The following PRDM10 variants were observed in gnomAD, a reference collection of about 807,000 sequenced individuals.
PRDM10 encodes the protein PR domain zinc finger protein 10.
Under a neutral mutation model 133.1 loss-of-function variants are expected in PRDM10, and 65 were observed. The ratio of observed to expected loss-of-function variants is 0.49; its 90% CI spans 0.40 to 0.60. The LOEUF (loss-of-function observed/expected upper bound fraction) is 0.60. PRDM10 is among the 20% of genes least tolerant of loss of function. PRDM10 has a pLI of 0.00. For synonymous variants in PRDM10, 582 were observed against 580.4 expected (o/e 1.00, Z -0.04); for missense variants, 1,137 against 1,507.1 (o/e 0.75, Z 4.07).
rs112717057 is a variant in PRDM10 at position 129,915,522 on chromosome 11, G to A, written c.2526+138C>T. 5.3e-5 allele frequency: 52 copies of A among 977,552 alleles called. No individual in the cohort carries two copies. In the African/African-American group the frequency reaches 6.8e-4, roughly 13 times the overall value. 60.6% of individuals were successfully genotyped at this position (977,552 alleles called of 1,614,324 possible). ...CTCTGCTGTGCTCTCTGTTTACAGT[G>A]ACTAGGACAACATCTCTTTCAGTCC... On this transcript the variant is annotated intron_variant, in intron 16 of 20. Coordinates refer to ENST00000360871, the MANE Select transcript of PRDM10 (RefSeq NM_199437.2).
At chr11:129,962,958 G>A (rs565717873) in intron 1 of PRDM10, among the ~76,000 whole-genome samples, 423 of 152,198 alleles carry the variant, frequency 2.8e-3, no homozygotes, top group Non-Finnish European at 4.7e-3. Context: ...AGACTAGCCT[G>A]GGTAACATGG....
chr11:129,990,705 A>G (rs1044198446), intron 1 of PRDM10, among the ~76,000 whole-genome samples: 1 of 152,082 alleles, frequency 6.6e-6, no homozygotes, highest in Non-Finnish European at 1.5e-5. Context: ...TCCCGGCCTC[A>G]AAGTGATCCT....
At chr11:129,977,434 C>T (rs549079707) in intron 1 of PRDM10, among the ~76,000 whole-genome samples, 30 of 152,246 alleles carry the variant, frequency 2.0e-4, no homozygotes, top group African/African-American at 7.2e-4. Context: ...CACACACCCG[C>T]CACCATGCCC....
At position 129,912,178 on chromosome 11, in the gene PRDM10, C is replaced by T; in HGVS notation, c.2889G>A (p.Gln963=). Residue 963 remains glutamine, a synonymous_variant, in exon 18 of 21, where the codon CAG becomes CAA. Coordinates refer to ENST00000360871, the MANE Select transcript of PRDM10 (RefSeq NM_199437.2). ...GGGGGTAGGGCTGAGGATCATGGAGCTGGCCAACATCCACAGTGGACTGCT... is the reference window on the plus strand; with the variant it reads ...GGGGGTAGGGCTGAGGATCATGGAGTTGGCCAACATCCACAGTGGACTGCT... The part of the protein sequence containing the change: ...QSQQSTVDVG[Q]LHDPQPYPQH... The T allele has an allele frequency of 6.2e-7, 1 of 1,611,296 alleles. No individual in the cohort carries two copies. Among genetic ancestry groups the T allele is most frequent in the African/African-American group, 1.3e-5 (1 of 74,904 alleles).
intron 1 of PRDM10, among the ~76,000 whole-genome samples, chr11:129,981,004 T>C (rs1318851744): frequency 6.6e-6 from 1 of 151,536 alleles, no homozygotes; most frequent in Non-Finnish European, 1.5e-5. Flanking sequence ...CCCGAGTAGC[T>C]GGGATTACAG....
intron 19 of PRDM10, among the ~76,000 whole-genome samples, chr11:129,906,989 G>GAA (rs71057987): frequency 6.2e-4 from 86 of 139,658 alleles, no homozygotes; most frequent in South Asian, 1.2e-3. Flanking sequence ...AAAAGAAAAA[G>GAA]AAAAAAAAAA....
chr11:129,937,789 T>C (rs1198970541), intron 7 of PRDM10, 119 bp from the exon 8 acceptor site: 3 of 820,730 alleles, frequency 3.7e-6, no homozygotes, highest in East Asian at 2.9e-5. Flanking sequence ...CCATTAACAA[T>C]GGAAAAAAAG....
At chr11:129,954,153 G>T (rs1345039364) in intron 4 of PRDM10, among the ~76,000 whole-genome samples, 3 of 150,912 alleles carry the variant, frequency 2.0e-5, no homozygotes, top group South Asian at 2.1e-4. Flanking sequence ...CAGATGATAT[G>T]AATATAACTA....
intron 1 of PRDM10, among the ~76,000 whole-genome samples, chr11:129,971,720 C>T (rs1018333781): frequency 1.3e-5 from 2 of 152,208 alleles, no homozygotes; most frequent in African/African-American, 2.4e-5. Context: ...CTGAGGTAGA[C>T]ATAAAGACTC....
At position 129,958,365 on chromosome 11, in the gene PRDM10, G is replaced by A. The variant is rs1394874839; in HGVS notation, c.70-455C>T. 2.0e-5 allele frequency among the ~76,000 whole-genome samples: 3 copies of A among 152,180 alleles called. No individual in the cohort carries two copies. In the East Asian group the frequency reaches 5.8e-4, roughly 29 times the overall value. ...ATTAAAATAAGGTCACTTTTGGCTA[G>A]GCGTGGTGGTTCACACCTGTAATCC... On this transcript the variant is annotated intron_variant, in intron 2 of 20. Coordinates refer to ENST00000360871, the MANE Select transcript of PRDM10 (RefSeq NM_199437.2).
chr11:129,980,013 A>G (rs534534684), intron 1 of PRDM10, among the ~76,000 whole-genome samples: 85 of 152,238 alleles, frequency 5.6e-4, no homozygotes, highest in Non-Finnish European at 1.1e-3. Flanking sequence ...TGCACTTTCC[A>G]TGCACTAGGA....
chr11:129,996,524 A>G (rs111453021), intron 1 of PRDM10, among the ~76,000 whole-genome samples: 31 of 152,328 alleles, frequency 2.0e-4, no homozygotes, highest in African/African-American at 6.3e-4. Context: ...GCAGAGGGGA[A>G]CCGTTTTGAC....
chr11:129,989,390 G>A (rs1048822328), intron 1 of PRDM10, among the ~76,000 whole-genome samples: 2 of 152,180 alleles, frequency 1.3e-5, no homozygotes, highest in African/African-American at 4.8e-5. Context: ...ACATCCTCCA[G>A]CTCCCTTCTG....
intron 18 of PRDM10, among the ~76,000 whole-genome samples, chr11:129,911,289 T>G (rs1950180208): frequency 6.6e-6 from 1 of 152,242 alleles, no homozygotes; most frequent in Non-Finnish European, 1.5e-5. Flanking sequence ...GTAACTTGCC[T>G]GTGTCACAAA....
chr11:129,933,042 G>A (rs1435213735), intron 9 of PRDM10, among the ~76,000 whole-genome samples: 1 of 152,202 alleles, frequency 6.6e-6, no homozygotes, highest in Non-Finnish European at 1.5e-5. Context: ...TTACAGGCAT[G>A]AGCCACCATG....
intron 1 of PRDM10, among the ~76,000 whole-genome samples, chr11:129,994,421 G>A (rs1437585335): frequency 2.8e-5 from 4 of 144,656 alleles, no homozygotes; most frequent in Admixed American, 7.0e-5. Flanking sequence ...AGCCGAGATC[G>A]CACCACTGCA....
At chr11:129,943,576 T>C (rs1202650749) in intron 6 of PRDM10, among the ~76,000 whole-genome samples, 2 of 152,134 alleles carry the variant, frequency 1.3e-5, no homozygotes, top group African/African-American at 4.8e-5. Context: ...GAAGGGAAGA[T>C]GGGCCAGGAG....
At chr11:129,990,887 A>T (rs1408097890) in intron 1 of PRDM10, among the ~76,000 whole-genome samples, 1 of 152,202 alleles carries the variant, frequency 6.6e-6, no homozygotes, top group African/African-American at 2.4e-5. Flanking sequence ...GATAGACAAC[A>T]TACTGACATT....
At chr11:129,932,661 T>C (rs1262739231) in intron 9 of PRDM10, among the ~76,000 whole-genome samples, 1 of 152,232 alleles carries the variant, frequency 6.6e-6, no homozygotes, top group Non-Finnish European at 1.5e-5. Flanking sequence ...ACAACTTTCT[T>C]GTTTTACTAC....
Sources: gnomAD v4.1 joint callset for allele counts (sites outside exome capture counted in the v4.1 genomes callset) on GRCh38, gnomAD v4.1.1 for gene constraint, MANE v1.5 for transcripts, NCBI Gene and HGNC (gene_info 2026-07-23, HGNC 2026-07-21) for gene names.